Variants in ATP10D observed in about 807,000 individuals in gnomAD.
ATP10D encodes the protein ATPase phospholipid transporting 10D (putative), also known as phospholipid-transporting ATPase VD.
ATP10D carries 89 observed loss-of-function variants against 144.8 expected under a neutral mutation model. The observed-to-expected ratio is 0.61, with a 90% CI of 0.52 to 0.73. The LOEUF is 0.73. Ranked by LOEUF, ATP10D falls within the 30% of genes least tolerant of loss-of-function variation. The probability of loss-of-function intolerance (pLI) is 0.00; values close to 1 mark genes in which losing one functional copy is unlikely to be tolerated. For missense variants in ATP10D, 1,603 were observed against 1,714.8 expected, an observed-to-expected ratio of 0.93 and a Z score of 1.15; for synonymous variants, 571 against 615.1, an observed-to-expected ratio of 0.93 and a Z score of 1.06.
chr4:47,573,123 A>T, intron 18 of ATP10D, 126 bp downstream of exon 18: 3 of 1,197,668 alleles, frequency 2.5e-6, no homozygotes, highest in Non-Finnish European at 2.3e-6. Context: ...AACAGCCAGG[A>T]CTGGTCTTGC....
intron 1 of ATP10D, among the ~76,000 whole-genome samples, chr4:47,496,156 CTTTTTTT>C (rs5858072): frequency 0.24 from 31,825 of 132,976 alleles, 3,928 homozygotes; most frequent in East Asian, 0.62. Flanking sequence ...TTTCCTTTTT[CTTTTTTT>C]TTTTTTTTTT....
intron 1 of ATP10D, among the ~76,000 whole-genome samples, chr4:47,512,300 A>G (rs545990625): frequency 1.3e-5 from 2 of 152,360 alleles, no homozygotes; most frequent in African/African-American, 4.8e-5. Flanking sequence ...TTGTTAAGCA[A>G]CATGATCAGA....
chr4:47,488,477 A>T (rs1353290347), intron 1 of ATP10D, among the ~76,000 whole-genome samples: 3 of 151,998 alleles, frequency 2.0e-5, no homozygotes, highest in Non-Finnish European at 4.4e-5. Flanking sequence ...TAGAAAATGT[A>T]TTCCTAGGTG....
chr4:47,558,144 A>G lies in ATP10D; in HGVS notation c.2305A>G (p.Ile769Val), dbSNP rs1719089725. 6.2e-7 allele frequency: 1 copy of G among 1,614,166 alleles called. No homozygotes were observed. Among genetic ancestry groups the G allele is most frequent in the Non-Finnish European group, 8.5e-7 (1 of 1,180,034 alleles). The change falls in exon 12 of 23, where the codon ATC becomes GTC. Residue 769 changes from isoleucine (I) to valine (V), a missense_variant. Ile to Val is a conservative substitution (Grantham distance 29). Coordinates refer to ENST00000273859, the MANE Select transcript of ATP10D (RefSeq NM_020453.4). ...ACCATTAACATTTCAACTCCTACAC[A>G]TCCTGCCCTTTGACTCAGTAAGAAA... ...LGPLTFQLLH[I>V]LPFDSVRKRM...
intron 1 of ATP10D, among the ~76,000 whole-genome samples, chr4:47,495,653 A>T (rs1715316306): frequency 6.6e-6 from 1 of 152,240 alleles, no homozygotes; most frequent in East Asian, 1.9e-4. Flanking sequence ...AGTTGAGATT[A>T]TACTTGTATA....
chr4:47,507,549 T>C (rs1042315400), intron 1 of ATP10D, among the ~76,000 whole-genome samples: 3 of 152,186 alleles, frequency 2.0e-5, no homozygotes, highest in East Asian at 3.8e-4. Flanking sequence ...AATTAGATCT[T>C]ACACTCCTAC....
intron 4 of ATP10D, among the ~76,000 whole-genome samples, chr4:47,523,776 T>C (rs1474749355): frequency 6.6e-6 from 1 of 152,138 alleles, no homozygotes; most frequent in Non-Finnish European, 1.5e-5. Context: ...TATAGCATTG[T>C]TGTAGGATTC....
At chr4:47,557,465 A>T (rs1159241624) in intron 11 of ATP10D, among the ~76,000 whole-genome samples, 199 bp from the exon 12 acceptor site, 3 of 152,070 alleles carry the variant, frequency 2.0e-5, no homozygotes, top group Non-Finnish European at 2.9e-5. Flanking sequence ...AATAAAAATC[A>T]AATTATCTGA....
At chr4:47,489,107 T>A (rs1714938964) in intron 1 of ATP10D, among the ~76,000 whole-genome samples, 1 of 152,162 alleles carries the variant, frequency 6.6e-6, no homozygotes, top group Admixed American at 6.5e-5. Flanking sequence ...TGATCCCCAA[T>A]GAGAAATAGA....
chr4:47,491,998 A>G (rs943948463), intron 1 of ATP10D, among the ~76,000 whole-genome samples: 26 of 152,238 alleles, frequency 1.7e-4, no homozygotes, highest in Admixed American at 1.2e-3. Flanking sequence ...AAGGTAAAAT[A>G]AATGTACCTT....
chr4:47,527,335 A>T (rs1244510767), intron 5 of ATP10D, among the ~76,000 whole-genome samples: 2 of 152,154 alleles, frequency 1.3e-5, no homozygotes, highest in Non-Finnish European at 2.9e-5. Context: ...ATGTACATCT[A>T]CAGTTATGAA....
chr4:47,593,270 A>G lies in ATP10D; in HGVS notation c.*1889A>G, dbSNP rs1274377026. Reference sequence around the variant, plus strand: ...GCCACAATCTCATATCCACAATTCCAAAATCTCCAAACCTCTGAAAACTGA... The same window carrying G: ...GCCACAATCTCATATCCACAATTCCGAAATCTCCAAACCTCTGAAAACTGA... On this transcript the variant is annotated 3_prime_UTR_variant, in exon 23 of 23. Transcript: ENST00000273859. 6.6e-6 allele frequency: 1 copy of G among 152,120 alleles called. No homozygotes were observed. Among genetic ancestry groups the G allele is most frequent in the Non-Finnish European group, 1.5e-5 (1 of 67,986 alleles). 9.4% of individuals were successfully genotyped at this position (152,120 alleles called of 1,614,324 possible). A position where few individuals can be genotyped will look rare whatever the true frequency, so the allele number is the denominator to read the frequency against.
At chr4:47,513,083 G>A (rs756565252) in intron 2 of ATP10D, among the ~76,000 whole-genome samples, 2 of 152,170 alleles carry the variant, frequency 1.3e-5, no homozygotes, top group South Asian at 2.1e-4. Context: ...TGACTTGACT[G>A]TGGTTTAGCC....
chr4:47,497,030 C>T (rs1005984657), intron 1 of ATP10D, among the ~76,000 whole-genome samples: 5 of 152,038 alleles, frequency 3.3e-5, no homozygotes, highest in African/African-American at 9.7e-5. Context: ...TTAGTAGAAA[C>T]GGGTTTCACC....
Position 47,536,420 on chromosome 4 carries a change from T to C in ATP10D, c.1016-17T>C, listed in dbSNP as rs1375246757. ...ATATATTTAGCATCCTTTTGATGTCTGTGTATTTTTTGAAAGGTCATGGAA... is the reference window on the plus strand; with the variant it reads ...ATATATTTAGCATCCTTTTGATGTCCGTGTATTTTTTGAAAGGTCATGGAA... On this transcript the variant is annotated splice_polypyrimidine_tract_variant and intron_variant, in intron 7 of 22. Coordinates refer to ENST00000273859, the MANE Select transcript of ATP10D (RefSeq NM_020453.4). The C allele has an allele frequency of 1.2e-6, 2 of 1,610,686 alleles. No homozygotes were observed. Among genetic ancestry groups the C allele is most frequent in the East Asian group, 4.5e-5 (2 of 44,860 alleles).
At chr4:47,531,226 G>C (rs1351127108) in intron 5 of ATP10D, among the ~76,000 whole-genome samples, 2 of 152,094 alleles carry the variant, frequency 1.3e-5, no homozygotes, top group Non-Finnish European at 1.5e-5. Context: ...TCTGTAAGTA[G>C]CACTGGATAC....
At chr4:47,513,076 C>T (rs903140547) in intron 2 of ATP10D, among the ~76,000 whole-genome samples, 7 of 152,192 alleles carry the variant, frequency 4.6e-5, no homozygotes, top group South Asian at 2.1e-4. Context: ...TAGGAAATGA[C>T]TTGACTGTGG....
At chr4:47,486,101 A>G (rs931183003) in intron 1 of ATP10D, among the ~76,000 whole-genome samples, 2 of 152,208 alleles carry the variant, frequency 1.3e-5, no homozygotes, top group African/African-American at 2.4e-5. Flanking sequence ...GAGTGCTACA[A>G]AGAAGCCCCC....
At position 47,591,580 on chromosome 4, in the gene ATP10D, G is replaced by GT; in HGVS notation, c.*202dup. The GT allele has an allele frequency of 2.5e-6, 1 of 402,040 alleles. No homozygotes were observed. The highest frequency in any genetic ancestry group is 6.3e-4 in the Middle Eastern group (1 of 1,586). The allele number at this position is 402,040 out of a possible 1,614,324, so 24.9% of individuals were successfully genotyped here. On this transcript the variant is annotated 3_prime_UTR_variant, in exon 23 of 23. Transcript: ENST00000273859. Reference sequence around the variant, plus strand: ...AGGGCTAGAGTTTGACCTAGAGAGAGTTTAAGGAAGTGAAATATTTAATTC... The same window carrying GT: ...AGGGCTAGAGTTTGACCTAGAGAGAGTTTTAAGGAAGTGAAATATTTAATTC...
Sources: allele counts gnomAD v4.1 joint callset (sites outside exome capture counted in the v4.1 genomes callset), GRCh38; gene constraint gnomAD v4.1.1; transcripts MANE v1.5; gene names NCBI Gene and HGNC (gene_info 2026-07-23, HGNC 2026-07-21).